The following SMYD3 variants were observed in gnomAD, a reference collection of about 807,000 sequenced individuals.
The protein encoded by SMYD3 is SET and MYND domain containing 3.
SMYD3 carries 36 observed loss-of-function variants against 57.7 expected under a neutral mutation model. That is an observed-to-expected ratio of 0.62 (90% CI 0.48 to 0.82). The LOEUF is 0.82. Ranked by LOEUF, SMYD3 falls within the 40% of genes least tolerant of loss-of-function variation. The probability of loss-of-function intolerance (pLI) is 0.00; values close to 1 mark genes in which losing one functional copy is unlikely to be tolerated. For missense variants in SMYD3, 515 were observed against 538.8 expected (o/e 0.96, Z 0.44); for synonymous variants, 211 against 195.0 (o/e 1.08, Z -0.68).
At chr1:245,968,838 G>A (rs1434787008) in intron 5 of SMYD3, among the ~76,000 whole-genome samples, 2 of 152,162 alleles carry the variant, frequency 1.3e-5, no homozygotes, top group Non-Finnish European at 2.9e-5. Flanking sequence ...TCAGGTCTGT[G>A]TCTTTCTCCT....
intron 5 of SMYD3, chr1:246,113,836 G>A (rs535983105): frequency 6.6e-6 from 1 of 152,132 alleles, no homozygotes; most frequent in African/African-American, 2.4e-5. Context: ...AAAGAGTGTG[G>A]GTAACAATAA....
intron 5 of SMYD3, among the ~76,000 whole-genome samples, chr1:246,042,330 G>GA (rs913163850): frequency 5.3e-5 from 8 of 152,018 alleles, no homozygotes; most frequent in African/African-American, 1.9e-4. Context: ...AATATGACAG[G>GA]AAAAAAACTG....
At chr1:246,001,228 A>G (rs2059036884) in intron 5 of SMYD3, among the ~76,000 whole-genome samples, 2 of 152,212 alleles carry the variant, frequency 1.3e-5, no homozygotes, top group South Asian at 4.1e-4. Flanking sequence ...TGTGAATTAA[A>G]TGACATCTCG....
chr1:246,353,795 T>C (rs1003009136), intron 2 of SMYD3, among the ~76,000 whole-genome samples: 1 of 152,138 alleles, frequency 6.6e-6, no homozygotes, highest in Non-Finnish European at 1.5e-5. Flanking sequence ...GAAAATCAAA[T>C]GGAATAATAC....
intron 2 of SMYD3, among the ~76,000 whole-genome samples, chr1:246,339,856 G>A (rs779761215): frequency 1.3e-5 from 2 of 152,210 alleles, no homozygotes; most frequent in Non-Finnish European, 2.9e-5. Flanking sequence ...CCCGTCATGT[G>A]ACGCCTTCTG....
intron 5 of SMYD3, among the ~76,000 whole-genome samples, chr1:246,219,626 C>A (rs574272742): frequency 1.3e-5 from 2 of 152,122 alleles, no homozygotes; most frequent in Admixed American, 1.3e-4. Flanking sequence ...CTGCCTCATG[C>A]GAAAAGGCAG....
intron 10 of SMYD3, among the ~76,000 whole-genome samples, chr1:245,799,450 T>TAGTCCCTCCTGCGTACCTTCTACTCTAAG (rs143186206): frequency 6.6e-6 from 1 of 151,428 alleles, no homozygotes; most frequent in East Asian, 1.9e-4. Flanking sequence ...AGTGCTGTTA[T>TAGTCCCTCCTGCGTACCTTCTACTCTAAG]AGTCCCTCTC....
intron 7 of SMYD3, among the ~76,000 whole-genome samples, chr1:245,922,115 A>C (rs1372884133): frequency 1.3e-5 from 2 of 152,214 alleles, no homozygotes; most frequent in East Asian, 3.8e-4. Flanking sequence ...GGACTTTTAT[A>C]ATGAATTTAA....
chr1:245,854,588 T>C (rs932606448), intron 10 of SMYD3, among the ~76,000 whole-genome samples: 1 of 78,518 alleles, frequency 1.3e-5, no homozygotes, highest in African/African-American at 3.9e-5. Context: ...TAGGGAGTTA[T>C]CCTTTTCTCT....
At chr1:246,332,983 A>C (rs564007047) in intron 3 of SMYD3, among the ~76,000 whole-genome samples, 1 of 152,378 alleles carries the variant, frequency 6.6e-6, no homozygotes, top group Non-Finnish European at 1.5e-5. Flanking sequence ...GATGTCACTT[A>C]GGACTTTCAT....
chr1:246,164,007 T>A (rs1215409783), intron 5 of SMYD3, among the ~76,000 whole-genome samples: 4 of 152,178 alleles, frequency 2.6e-5, no homozygotes, highest in African/African-American at 9.7e-5. Flanking sequence ...TTTGACTTAG[T>A]TCAAGTTCTC....
chr1:245,764,858 C>G (rs2148057912), intron 10 of SMYD3, among the ~76,000 whole-genome samples: 1 of 152,240 alleles, frequency 6.6e-6, no homozygotes, highest in South Asian at 2.1e-4. Flanking sequence ...ACGCACACGA[C>G]TCCGGCTATG....
intron 5 of SMYD3, among the ~76,000 whole-genome samples, chr1:245,948,379 A>G (rs1480265986): frequency 1.3e-5 from 2 of 152,128 alleles, no homozygotes; most frequent in African/African-American, 4.8e-5. Flanking sequence ...TTTGGCTGGG[A>G]CCCTGAAGAG....
chr1:246,153,751 G>A (rs2061979124), intron 5 of SMYD3, among the ~76,000 whole-genome samples: 1 of 152,104 alleles, frequency 6.6e-6, no homozygotes, highest in African/African-American at 2.4e-5. Context: ...GATTACAAGT[G>A]TGAGCCACCA....
intron 5 of SMYD3, among the ~76,000 whole-genome samples, chr1:245,931,781 C>T (rs958796788): frequency 6.6e-6 from 1 of 152,226 alleles, no homozygotes; most frequent in Non-Finnish European, 1.5e-5. Flanking sequence ...TATGAAAACA[C>T]ACTGAGTCCT....
chr1:246,037,671 G>A (rs552083973), intron 5 of SMYD3, among the ~76,000 whole-genome samples: 20 of 152,278 alleles, frequency 1.3e-4, no homozygotes, highest in East Asian at 5.8e-4. Flanking sequence ...GTCTCCGAGC[G>A]TCACAATGTC....
rs148487271 is a variant in SMYD3, at chr1:246,077,827, T to C, written c.532-147890A>G. Among the ~76,000 whole-genome samples the C allele has an allele frequency of 7.7e-3, 1,172 of 152,302 alleles. 5 individuals carry two copies. Among genetic ancestry groups the C allele is most frequent in the Admixed American group, 0.013 (203 of 15,296 alleles). On this transcript the variant is annotated intron_variant, in intron 5 of 11. Coordinates refer to ENST00000490107, the MANE Select transcript of SMYD3 (RefSeq NM_001167740.2). ...CTGTTTATGTATCTGACACCTCTGCTATTTTATCAACTCTTTAAGGGAAGG... is the reference window on the plus strand; with the variant it reads ...CTGTTTATGTATCTGACACCTCTGCCATTTTATCAACTCTTTAAGGGAAGG...
chr1:246,279,960 GTAGT>G (rs1200467050), intron 5 of SMYD3, among the ~76,000 whole-genome samples: 1 of 152,106 alleles, frequency 6.6e-6, no homozygotes, highest in South Asian at 2.1e-4. Flanking sequence ...GTACTTACTC[GTAGT>G]AAGTAAGATT....
Position 246,362,615 on chromosome 1 carries a change from C to T in SMYD3, c.165-7521G>A, listed in dbSNP as rs1436040348. ...GCCTGCGATTGCAGGCGCGCACCGC[C>T]ACGCCTGACTGGTTTTCGTATTTTT... On this transcript the variant is annotated intron_variant, in intron 1 of 11. Transcript: ENST00000490107. Among the ~76,000 whole-genome samples the T allele has an allele frequency of 2.0e-5, 3 of 152,268 alleles. No individual in the cohort carries two copies. In the East Asian group the frequency reaches 5.8e-4, roughly 29 times the overall value.
Sources: gnomAD v4.1 joint callset for allele counts (sites outside exome capture counted in the v4.1 genomes callset) on GRCh38, gnomAD v4.1.1 for gene constraint, MANE v1.5 for transcripts, NCBI Gene and HGNC (gene_info 2026-07-23, HGNC 2026-07-21) for gene names.